The following RAD51B variants were observed in gnomAD, a reference collection of about 807,000 sequenced individuals.
The protein encoded by RAD51B is DNA repair protein RAD51 homolog 2.
In RAD51B, 38 loss-of-function variants were observed where a neutral mutation model predicts 42.2. The ratio of observed to expected loss-of-function variants is 0.90; its 90% CI spans 0.70 to 1.18. The LOEUF is 1.18. Ranked by LOEUF, RAD51B falls within the 50% of genes most tolerant of loss-of-function variation. The pLI, the probability that RAD51B is intolerant of heterozygous loss-of-function variation, is 0.00. For synonymous variants in RAD51B, 154 were observed against 145.2 expected, an observed-to-expected ratio of 1.06 and a Z score of -0.43; for missense variants, 373 against 400.7, an observed-to-expected ratio of 0.93 and a Z score of 0.59.
chr14:68,021,114 A>G (rs1235460936), intron 7 of RAD51B, among the ~76,000 whole-genome samples: 2 of 152,208 alleles, frequency 1.3e-5, no homozygotes, highest in Non-Finnish European at 2.9e-5. Context: ...TGACTCTCTA[A>G]ATAAACAGTT....
intron 10 of RAD51B, among the ~76,000 whole-genome samples, chr14:68,608,323 G>GTC (rs780250813): frequency 3.9e-5 from 6 of 152,212 alleles, no homozygotes; most frequent in Non-Finnish European, 7.3e-5. Context: ...CTGTTGGCTT[G>GTC]TCTCTCTAAG....
At chr14:67,910,082 C>CT (rs750200319) in intron 7 of RAD51B, among the ~76,000 whole-genome samples, 6 of 152,140 alleles carry the variant, frequency 3.9e-5, no homozygotes, top group Non-Finnish European at 7.3e-5. Flanking sequence ...ATCAATATGT[C>CT]TAATTTTTCA....
chr14:67,934,249 A>C (rs2044851203), intron 7 of RAD51B, among the ~76,000 whole-genome samples: 1 of 152,200 alleles, frequency 6.6e-6, no homozygotes, highest in Non-Finnish European at 1.5e-5. Flanking sequence ...TTAGCAAAGC[A>C]ATTGCCTGTG....
chr14:68,119,975 C>T (rs2140625916), intron 7 of RAD51B, among the ~76,000 whole-genome samples: 1 of 152,090 alleles, frequency 6.6e-6, no homozygotes, highest in Middle Eastern at 3.4e-3. Context: ...TCCTCTCCAG[C>T]ACCTGTTGTT....
intron 8 of RAD51B, among the ~76,000 whole-genome samples, chr14:68,395,286 G>A (rs959105836): frequency 1.3e-5 from 2 of 151,986 alleles, no homozygotes. Flanking sequence ...AAGCTGTTTT[G>A]CAAACACTAT....
intron 8 of RAD51B, among the ~76,000 whole-genome samples, chr14:68,336,555 G>A (rs1030334648): frequency 2.4e-4 from 36 of 152,220 alleles, no homozygotes; most frequent in African/African-American, 4.1e-4. Context: ...ATTTTGATGC[G>A]CTCTGATCAA....
chr14:68,199,194 A>C (rs1371452661), intron 7 of RAD51B, among the ~76,000 whole-genome samples: 1 of 152,184 alleles, frequency 6.6e-6, no homozygotes, highest in East Asian at 1.9e-4. Flanking sequence ...GGCATCCAGA[A>C]TAGAAGCAAC....
intron 7 of RAD51B, among the ~76,000 whole-genome samples, chr14:68,242,274 T>C (rs1380299657): frequency 6.6e-6 from 1 of 152,196 alleles, no homozygotes; most frequent in Non-Finnish European, 1.5e-5. Flanking sequence ...GTACGCTCCG[T>C]AGCTGTCCTA....
intron 7 of RAD51B, among the ~76,000 whole-genome samples, chr14:68,001,817 A>G (rs987832726): frequency 3.9e-5 from 6 of 152,110 alleles, no homozygotes; most frequent in African/African-American, 1.2e-4. Context: ...CTGTTCCTAC[A>G]TTAGTTTGCC....
intron 10 of RAD51B, chr14:68,563,208 T>C (rs1389301664): frequency 1.0e-6 from 1 of 985,258 alleles, no homozygotes; most frequent in Non-Finnish European, 1.2e-6. Flanking sequence ...AGGTGAGCAG[T>C]TTTCTCCTCC....
At chr14:68,613,182 A>G (rs11850918), downstream of RAD51B, among the ~76,000 whole-genome samples, 9,343 of 152,048 alleles carry the variant, frequency 0.061, 360 homozygotes, top group African/African-American at 0.095. Flanking sequence ...TTGGGAGGCC[A>G]AGGTGGGCAG....
chr14:68,466,656 T>A (rs1160197273), intron 9 of RAD51B, among the ~76,000 whole-genome samples: 2 of 152,192 alleles, frequency 1.3e-5, no homozygotes, highest in East Asian at 3.9e-4. Context: ...AAAGAGAAAG[T>A]GGAGGGCACG....
chr14:68,520,050 C>A lies in RAD51B; in HGVS notation c.1036+51800C>A, dbSNP rs929931152. 5.3e-5 allele frequency among the ~76,000 whole-genome samples: 8 copies of A among 152,176 alleles called. No individual in the cohort carries two copies. The East Asian group carries it at 7.7e-4, about 15-fold the overall frequency. ...GGGGACAAGTAGTGTGAAAACAGAGCTAGTTAGTAAATGCAAGAGCTGGGG... is the reference window on the plus strand; with the variant it reads ...GGGGACAAGTAGTGTGAAAACAGAGATAGTTAGTAAATGCAAGAGCTGGGG... On this transcript the variant is annotated intron_variant, in intron 10 of 10. Coordinates refer to the RAD51B transcript ENST00000487270.
chr14:67,848,516 G>A (rs1026170759), intron 4 of RAD51B, among the ~76,000 whole-genome samples: 24 of 152,090 alleles, frequency 1.6e-4, no homozygotes, highest in South Asian at 1.5e-3. Context: ...AGATGGTTGA[G>A]TCTTGTCTTT....
At chr14:67,861,724 C>G (rs2042170283) in intron 4 of RAD51B, among the ~76,000 whole-genome samples, 1 of 152,030 alleles carries the variant, frequency 6.6e-6, no homozygotes, top group South Asian at 2.1e-4. Flanking sequence ...ATCAATGCAA[C>G]ACTGTTACTT....
chr14:68,477,624 CTCT>C (rs2140254461), intron 10 of RAD51B, 21 bp from the exon 11 acceptor site: 2 of 1,581,412 alleles, frequency 1.3e-6, no homozygotes, highest in South Asian at 1.2e-5. Context: ...TTCAAACTTT[CTCT>C]TTTTTTTTTT....
chr14:68,541,908 G>A, intron 10 of RAD51B: 1 of 905,846 alleles, frequency 1.1e-6, no homozygotes. Context: ...CCTCTATTTT[G>A]TATAGAAGTG....
At chr14:68,353,063 A>G (rs1265403181) in intron 8 of RAD51B, among the ~76,000 whole-genome samples, 1 of 152,138 alleles carries the variant, frequency 6.6e-6, no homozygotes, top group Admixed American at 6.5e-5. Context: ...ATTATTAGCA[A>G]TGTCAGAAAG....
Position 67,826,009 on chromosome 14 carries a change from C to T in RAD51B, c.198+432C>T, listed in dbSNP as rs566400992. Among the ~76,000 whole-genome samples the T allele has an allele frequency of 5.9e-5, 9 of 152,236 alleles. No individual in the cohort carries two copies. In the South Asian group the frequency reaches 8.3e-4, roughly 14 times the overall value. On this transcript the variant is annotated intron_variant, in intron 3 of 10. Transcript: ENST00000471583. ...CCTCCCAAAGTCCTGGGATTACAGG[C>T]GTGAGCCACCGTGCCTAGCCTATGT...
Sources: gnomAD v4.1 joint callset for allele counts (sites outside exome capture counted in the v4.1 genomes callset) on GRCh38, gnomAD v4.1.1 for gene constraint, MANE v1.5 for transcripts, NCBI Gene and HGNC (gene_info 2026-07-23, HGNC 2026-07-21) for gene names.